GPC5: variants seen among roughly 807,000 people sequenced by gnomAD.
GPC5 encodes the protein glypican 5, also known as glypican-5.
Under a neutral mutation model 53.9 loss-of-function variants are expected in GPC5, and 47 were observed. The observed-to-expected ratio is 0.87, with a 90% CI of 0.69 to 1.11. GPC5 has a LOEUF of 1.11. Ranked by LOEUF, GPC5 falls within the 50% of genes most tolerant of loss-of-function variation. The pLI is 0.00. For missense variants in GPC5, 748 were observed against 713.1 expected, an observed-to-expected ratio of 1.05 and a Z score of -0.56; for synonymous variants, 286 against 263.3, an observed-to-expected ratio of 1.09 and a Z score of -0.84.
At chr13:91,681,987 T>A (rs1041155291) in intron 2 of GPC5, among the ~76,000 whole-genome samples, 20 of 147,996 alleles carry the variant, frequency 1.4e-4, no homozygotes, top group Non-Finnish European at 2.7e-4. Context: ...TTTCAGCTAT[T>A]TTATATAGGG....
In GPC5 at chr13:92,783,561, A is replaced by C. The variant is rs1876106416; in HGVS notation, c.1562-82721A>C. On this transcript the variant is annotated intron_variant, in intron 7 of 7. Coordinates refer to ENST00000377067, the MANE Select transcript of GPC5 (RefSeq NM_004466.6). The stretch of plus-strand genomic sequence containing the variant: ...CTAAACCGTAGTGTTGAAGAGGTAC[A>C]AAAAATGAGGGTCTTGTTAGTTGGA... Among the ~76,000 whole-genome samples, 10 of 152,296 alleles carry C rather than the reference A, an allele frequency of 6.6e-5. No homozygotes were observed. In the South Asian group the frequency reaches 2.1e-3, roughly 32 times the overall value.
chr13:92,289,337 A>G (rs2042978161), intron 7 of GPC5, among the ~76,000 whole-genome samples: 1 of 152,100 alleles, frequency 6.6e-6, no homozygotes, highest in South Asian at 2.1e-4. Context: ...TTCTATAATA[A>G]TGATAATTCC....
intron 7 of GPC5, among the ~76,000 whole-genome samples, chr13:92,423,893 G>A (rs749373267): frequency 2.4e-4 from 36 of 152,040 alleles, no homozygotes; most frequent in African/African-American, 5.6e-4. Flanking sequence ...TCAGAGCCGC[G>A]TTAAACAGAT....
At chr13:91,755,404 G>A (rs935156521) in intron 4 of GPC5, among the ~76,000 whole-genome samples, 3 of 151,984 alleles carry the variant, frequency 2.0e-5, no homozygotes, top group African/African-American at 4.8e-5. Flanking sequence ...GGTCTAGAGA[G>A]CATCTCCTAT....
chr13:91,406,626 C>G (rs2138761971), intron 1 of GPC5, among the ~76,000 whole-genome samples: 1 of 152,334 alleles, frequency 6.6e-6, no homozygotes, highest in South Asian at 2.1e-4. Context: ...TGATACCCTT[C>G]AAAGTTCTCT....
At chr13:91,612,421 C>G (rs900834141) in intron 2 of GPC5, among the ~76,000 whole-genome samples, 2 of 152,194 alleles carry the variant, frequency 1.3e-5, no homozygotes, top group Non-Finnish European at 2.9e-5. Flanking sequence ...AGTTAAGCCT[C>G]TCCTCACCTT....
chr13:91,873,398 A>C (rs1156506426), intron 5 of GPC5, among the ~76,000 whole-genome samples: 3 of 152,088 alleles, frequency 2.0e-5, no homozygotes, highest in Admixed American at 6.6e-5. Context: ...CTCATCTTGA[A>C]TTGTAACCCC....
chr13:91,793,250 C>T (rs1483923448), intron 5 of GPC5, among the ~76,000 whole-genome samples: 1 of 152,112 alleles, frequency 6.6e-6, no homozygotes, highest in African/African-American at 2.4e-5. Context: ...TTTGTAAAAT[C>T]ATCAGATCTT....
At chr13:92,323,120 G>A (rs1566538558) in intron 7 of GPC5, among the ~76,000 whole-genome samples, 2 of 150,524 alleles carry the variant, frequency 1.3e-5, no homozygotes, top group South Asian at 2.1e-4. Context: ...GTGGTATAAT[G>A]AAAAAAAATA....
rs1874994219 is a variant in GPC5, at chr13:92,758,303, A to G, written c.1562-107979A>G. 2.1e-5 allele frequency among the ~76,000 whole-genome samples: 3 copies of G among 139,638 alleles called. No homozygotes were observed. The South Asian group carries it at 7.1e-4, about 33-fold the overall frequency. 91.6% of individuals were successfully genotyped at this position (139,638 alleles called of 152,430 possible). ...ACAATGAGATCACATGGACACAGGA[A>G]GGGGAACATCACACTCTGGGGACTG... On this transcript the variant is annotated intron_variant, in intron 7 of 7. Coordinates refer to ENST00000377067, the MANE Select transcript of GPC5 (RefSeq NM_004466.6).
chr13:91,703,014 T>C (rs7982974), intron 3 of GPC5, among the ~76,000 whole-genome samples: 437 of 152,242 alleles, frequency 2.9e-3, no homozygotes, highest in African/African-American at 9.9e-3. Context: ...TACCTGTTGG[T>C]CATTTAATAA....
At chr13:92,350,008 T>C (rs968887131) in intron 7 of GPC5, among the ~76,000 whole-genome samples, 8 of 152,192 alleles carry the variant, frequency 5.3e-5, no homozygotes, top group African/African-American at 1.9e-4. Context: ...AAGCTGAATT[T>C]ATCAACACAT....
At chr13:91,733,678 T>C (rs1026468937) in intron 4 of GPC5, among the ~76,000 whole-genome samples, 7 of 152,222 alleles carry the variant, frequency 4.6e-5, no homozygotes, top group African/African-American at 1.4e-4. Flanking sequence ...ACAATGATTT[T>C]TTTATCCTGA....
chr13:92,372,123 GAC>G (rs2043655491), intron 7 of GPC5, among the ~76,000 whole-genome samples: 1 of 152,120 alleles, frequency 6.6e-6, no homozygotes, highest in Non-Finnish European at 1.5e-5. Context: ...CAGCCCTGCC[GAC>G]ACTGAGTTCA....
chr13:91,684,358 C>T (rs2035575062), intron 2 of GPC5, among the ~76,000 whole-genome samples: 1 of 152,134 alleles, frequency 6.6e-6, no homozygotes, highest in Admixed American at 6.5e-5. Context: ...GATTTTCTAA[C>T]TGGTAACATG....
intron 7 of GPC5, among the ~76,000 whole-genome samples, chr13:92,428,457 C>T (rs1374828584): frequency 6.6e-6 from 1 of 152,042 alleles, no homozygotes; most frequent in Non-Finnish European, 1.5e-5. Flanking sequence ...CCGATTGGTC[C>T]ATATTTTTCA....
chr13:92,095,605 GC>G (rs2041415955), intron 6 of GPC5, among the ~76,000 whole-genome samples: 1 of 152,126 alleles, frequency 6.6e-6, no homozygotes, highest in Non-Finnish European at 1.5e-5. Flanking sequence ...AACCATCTCG[GC>G]TCACTGCAAC....
rs562266296 is a variant in GPC5, at chr13:92,843,541, T to C, written c.1562-22741T>C. Among the ~76,000 whole-genome samples, 235 of 152,292 alleles carry C rather than the reference T, an allele frequency of 1.5e-3. 1 individual carries two copies. Among genetic ancestry groups the C allele is most frequent in the African/African-American group, 5.6e-3 (231 of 41,576 alleles). On this transcript the variant is annotated intron_variant, in intron 7 of 7. Coordinates refer to ENST00000377067, the MANE Select transcript of GPC5 (RefSeq NM_004466.6). ...CCATCCCTCCACTCTTTTGGTATTC[T>C]TAGAGAGAATCTTAGATGGATAGCA... is the stretch of plus-strand genomic sequence containing the variant.
At chr13:92,623,487 TAAAATCA>T (rs944575639) in intron 7 of GPC5, among the ~76,000 whole-genome samples, 2 of 152,218 alleles carry the variant, frequency 1.3e-5, no homozygotes, top group South Asian at 2.1e-4. Flanking sequence ...CACTGCATTT[TAAAATCA>T]AAAGTGATTT....
Sources: gnomAD v4.1 joint callset for allele counts (sites outside exome capture counted in the v4.1 genomes callset) on GRCh38, gnomAD v4.1.1 for gene constraint, MANE v1.5 for transcripts, NCBI Gene and HGNC (gene_info 2026-07-23, HGNC 2026-07-21) for gene names.